The following WWOX variants were observed in gnomAD, a reference collection of about 807,000 sequenced individuals.
WWOX encodes WW domain containing oxidoreductase, also known as WW domain-containing oxidoreductase.
WWOX carries 69 observed loss-of-function variants against 46.2 expected under a neutral mutation model. The ratio of observed to expected loss-of-function variants is 1.49; its 90% CI spans 1.23 to 1.82. The LOEUF (loss-of-function observed/expected upper bound fraction) is 1.82, where lower values mean the gene tolerates loss of function less well. Among genes scored for constraint, WWOX ranks in the 40% most tolerant of loss-of-function variants. The pLI, the probability that WWOX is intolerant of heterozygous loss-of-function variation, is 0.00. For synonymous variants in WWOX, 359 were observed against 202.6 expected (o/e 1.77, Z -6.56); for missense variants, 919 against 542.6 (o/e 1.69, Z -6.89).
chr16:78,383,934 C>A (rs1365883568), intron 5 of WWOX, among the ~76,000 whole-genome samples: 1 of 152,202 alleles, frequency 6.6e-6, no homozygotes, highest in African/African-American at 2.4e-5. Context: ...TGATTTTCTT[C>A]TTATTGATAG....
At chr16:79,004,154 T>A (rs1308447102) in intron 8 of WWOX, 1 of 152,202 alleles carries the variant, frequency 6.6e-6, no homozygotes, top group Non-Finnish European at 1.5e-5. Flanking sequence ...ATCAGGCAAT[T>A]CCAAGAGAGA....
chr16:78,224,732 G>C (rs1799746814), intron 5 of WWOX, among the ~76,000 whole-genome samples: 1 of 152,136 alleles, frequency 6.6e-6, no homozygotes, highest in Admixed American at 6.5e-5. Flanking sequence ...TTGCTTTCTT[G>C]AAATATTGAG....
intron 8 of WWOX, among the ~76,000 whole-genome samples, chr16:78,869,422 C>G (rs1251621189): frequency 6.6e-6 from 1 of 152,152 alleles, no homozygotes; most frequent in Non-Finnish European, 1.5e-5. Context: ...TGGCAATTGC[C>G]TGGACTACAG....
At chr16:79,057,992 C>T (rs76981759) in intron 8 of WWOX, among the ~76,000 whole-genome samples, 3,202 of 152,006 alleles carry the variant, frequency 0.021, 129 homozygotes, top group African/African-American at 0.074. Context: ...TTCAAGCTCA[C>T]GATGCTATTC....
intron 8 of WWOX, among the ~76,000 whole-genome samples, chr16:78,522,430 A>G (rs944005389): frequency 1.3e-5 from 2 of 152,178 alleles, no homozygotes; most frequent in Non-Finnish European, 2.9e-5. Flanking sequence ...CTGTTTGCAC[A>G]GTAGTCACTC....
chr16:79,162,373 C>A (rs1289095248), intron 8 of WWOX, among the ~76,000 whole-genome samples: 1 of 152,182 alleles, frequency 6.6e-6, no homozygotes. Flanking sequence ...GTTACGTGCA[C>A]AGGTTGTAAT....
At chr16:78,894,049 T>TATTATTATTATTATTGTA (rs879592229) in intron 8 of WWOX, among the ~76,000 whole-genome samples, 1 of 148,130 alleles carries the variant, frequency 6.8e-6, no homozygotes, top group South Asian at 2.1e-4. Flanking sequence ...TTATTATTAT[T>TATTATTATTATTATTGTA]ATATTTTGAG....
intron 5 of WWOX, among the ~76,000 whole-genome samples, chr16:78,318,005 A>G (rs776812004): frequency 2.0e-5 from 3 of 152,160 alleles, no homozygotes; most frequent in Non-Finnish European, 4.4e-5. Flanking sequence ...AAAAGGTTCC[A>G]CAGTATTTGG....
At chr16:78,989,027 C>T (rs913077699) in intron 8 of WWOX, among the ~76,000 whole-genome samples, 2 of 152,188 alleles carry the variant, frequency 1.3e-5, no homozygotes, top group Non-Finnish European at 2.9e-5. Flanking sequence ...AGGAAGTAAT[C>T]ATCCTGAGTT....
At chr16:78,132,760 G>A (rs35506392) in intron 4 of WWOX, among the ~76,000 whole-genome samples, 20,429 of 152,040 alleles carry the variant, frequency 0.13, 1,552 homozygotes, top group East Asian at 0.26. Flanking sequence ...TGTAGCTCTG[G>A]GCTCTTCGAT....
intron 8 of WWOX, among the ~76,000 whole-genome samples, chr16:78,951,101 CA>C (rs1326568739): frequency 1.3e-5 from 2 of 152,192 alleles, no homozygotes; most frequent in East Asian, 3.9e-4. Context: ...TTGCCAGTAA[CA>C]AACACAGCCC....
intron 8 of WWOX, among the ~76,000 whole-genome samples, chr16:79,099,313 A>T (rs1277060144): frequency 6.6e-6 from 1 of 152,218 alleles, no homozygotes; most frequent in African/African-American, 2.4e-5. Context: ...TCCAAACCAT[A>T]GTGACTATGA....
chr16:79,110,504 A>G (rs372820528), intron 8 of WWOX, among the ~76,000 whole-genome samples: 3 of 152,060 alleles, frequency 2.0e-5, no homozygotes, highest in East Asian at 1.9e-4. Flanking sequence ...AGAATATCTG[A>G]CCCAATTCTG....
chr16:78,846,927 T>C (rs1483507494), intron 8 of WWOX, among the ~76,000 whole-genome samples: 1 of 152,218 alleles, frequency 6.6e-6, no homozygotes, highest in East Asian at 1.9e-4. Flanking sequence ...TACGTGAATA[T>C]TTAGTTTATT....
chr16:78,739,584 A>G (rs969216873), intron 8 of WWOX, among the ~76,000 whole-genome samples: 2 of 152,074 alleles, frequency 1.3e-5, no homozygotes, highest in African/African-American at 2.4e-5. Context: ...GCTGAGGCAG[A>G]TAAATCACCT....
intron 8 of WWOX, among the ~76,000 whole-genome samples, chr16:78,958,783 C>G (rs772866000): frequency 6.6e-6 from 1 of 152,130 alleles, no homozygotes; most frequent in Non-Finnish European, 1.5e-5. Context: ...ATAGTTTAAT[C>G]TGAAAATAGG....
rs770631382 is a variant in WWOX, at chr16:78,717,504, ATG to A, written c.1056+284753_1056+284754del. On this transcript the variant is annotated intron_variant, in intron 8 of 8. Transcript: ENST00000566780. ...TGGTCAACAAATGTGTATTAAGTAT[ATG>A]AACTGTTGGAAGGGTCTGCTGTGAA... Among the ~76,000 whole-genome samples, 80 of 152,310 alleles carry A rather than the reference ATG, an allele frequency of 5.3e-4. 1 individual carries two copies. Among genetic ancestry groups the A allele is most frequent in the African/African-American group, 1.5e-3 (61 of 41,572 alleles).
chr16:78,798,352 G>C (rs1312766069), intron 8 of WWOX, among the ~76,000 whole-genome samples: 2 of 152,098 alleles, frequency 1.3e-5, no homozygotes, highest in Non-Finnish European at 2.9e-5. Context: ...CCTAGCTAGA[G>C]GTCAGATGTC....
At chr16:78,201,569 A>G (rs760736421) in intron 5 of WWOX, among the ~76,000 whole-genome samples, 15 of 152,190 alleles carry the variant, frequency 9.9e-5, no homozygotes, top group Non-Finnish European at 4.4e-5. Context: ...GTCCTACCTC[A>G]GCCATGCCTA....
Sources: gnomAD v4.1 joint callset for allele counts (sites outside exome capture counted in the v4.1 genomes callset) on GRCh38, gnomAD v4.1.1 for gene constraint, MANE v1.5 for transcripts, NCBI Gene and HGNC (gene_info 2026-07-23, HGNC 2026-07-21) for gene names.